The following PGR variants were observed in gnomAD, a reference collection of about 807,000 sequenced individuals.
The protein encoded by PGR is progesterone receptor, also known as nuclear receptor subfamily 3 group C member 3.
In PGR, 25 loss-of-function variants were observed where a neutral mutation model predicts 76.1. The observed-to-expected ratio is 0.33, with a 90% confidence interval of 0.24 to 0.46. PGR has a LOEUF of 0.46. PGR is among the 20% of genes least tolerant of loss of function. The probability of loss-of-function intolerance (pLI) is 1.00; values close to 1 mark genes in which losing one functional copy is unlikely to be tolerated. For missense variants in PGR, 1,172 were observed against 1,225.3 expected, an observed-to-expected ratio of 0.96 and a Z score of 0.65; for synonymous variants, 579 against 535.0, an observed-to-expected ratio of 1.08 and a Z score of -1.14.
At chr11:101,105,120 A>G (rs933809165) in intron 2 of PGR, among the ~76,000 whole-genome samples, 1 of 152,230 alleles carries the variant, frequency 6.6e-6, no homozygotes, top group Non-Finnish European at 1.5e-5. Context: ...CAGGGAGAAG[A>G]GTAGTAGATA....
chr11:101,093,156 A>G (rs1242494430), intron 2 of PGR, among the ~76,000 whole-genome samples: 1 of 152,178 alleles, frequency 6.6e-6, no homozygotes, highest in Non-Finnish European at 1.5e-5. Context: ...ACACTCACAT[A>G]GTGTTCATCT....
At chr11:101,118,751 T>TA (rs1314122177) in intron 2 of PGR, among the ~76,000 whole-genome samples, 1 of 152,200 alleles carries the variant, frequency 6.6e-6, no homozygotes, top group Non-Finnish European at 1.5e-5. Flanking sequence ...GTCTTGATGA[T>TA]AGATTATATG....
intron 3 of PGR, among the ~76,000 whole-genome samples, chr11:101,077,269 C>T (rs995467126): frequency 3.9e-5 from 6 of 152,028 alleles, no homozygotes; most frequent in South Asian, 2.1e-4. Context: ...ATGACCACTG[C>T]GCAGTGCTGG....
chr11:101,032,511 C>T lies in PGR; in HGVS notation c.*6605G>A, dbSNP rs893966001. The T allele has an allele frequency of 4.3e-6, 1 of 232,762 alleles. No individual in the cohort carries two copies. The highest frequency in any genetic ancestry group is 2.2e-5 in the African/African-American group (1 of 45,310). 14.4% of individuals were successfully genotyped at this position (232,762 alleles called of 1,614,324 possible). A position where few individuals can be genotyped will look rare whatever the true frequency, so the allele number is the denominator to read the frequency against. ...TCCATCCCCACCCCACATTCTCTCT[C>T]CCCATCAGGTTTGTGCAAATGTTGT... On this transcript the variant is annotated 3_prime_UTR_variant, in exon 8 of 8. Transcript: ENST00000325455.
intron 3 of PGR, among the ~76,000 whole-genome samples, chr11:101,071,846 G>A (rs920980548): frequency 4.6e-5 from 7 of 152,042 alleles, no homozygotes; most frequent in Non-Finnish European, 7.4e-5. Context: ...CCAAACTTAC[G>A]TTTGATTGGT....
chr11:101,088,613 TGA>T (rs1861573161), intron 3 of PGR, among the ~76,000 whole-genome samples: 3 of 152,192 alleles, frequency 2.0e-5, no homozygotes, highest in African/African-American at 7.2e-5. Context: ...ATTACAGGCA[TGA>T]GCCACCGCTC....
chr11:101,060,629 T>A (rs1318554724), intron 4 of PGR, among the ~76,000 whole-genome samples: 2 of 152,194 alleles, frequency 1.3e-5, no homozygotes, highest in East Asian at 1.9e-4. Context: ...CTGACCATTT[T>A]CATAATTCAT....
At chr11:101,104,553 G>A (rs547394499) in intron 2 of PGR, among the ~76,000 whole-genome samples, 24 of 152,176 alleles carry the variant, frequency 1.6e-4, no homozygotes, top group African/African-American at 1.4e-4. Context: ...TCTTCATTCC[G>A]AAGTAACTCC....
At chr11:101,120,861 T>C (rs1296845620) in intron 2 of PGR, among the ~76,000 whole-genome samples, 1 of 152,238 alleles carries the variant, frequency 6.6e-6, no homozygotes, top group Non-Finnish European at 1.5e-5. Flanking sequence ...CAGGAGCAGT[T>C]ATTAGCACTA....
intron 4 of PGR, among the ~76,000 whole-genome samples, chr11:101,060,946 A>G (rs772427831): frequency 2.1e-4 from 32 of 152,192 alleles, no homozygotes; most frequent in Non-Finnish European, 4.3e-4. Context: ...TCCAAAGTGA[A>G]TAAGTCATCT....
chr11:101,075,279 G>C (rs1433615243), intron 3 of PGR, among the ~76,000 whole-genome samples: 1 of 152,150 alleles, frequency 6.6e-6, no homozygotes, highest in Admixed American at 6.5e-5. Flanking sequence ...ACAGAAAATT[G>C]AAAGTGGACC....
rs184263421 is a variant in PGR at position 101,084,794 on chromosome 11, C to T, written c.1906+6966G>A. Among the ~76,000 whole-genome samples, 470 of 152,172 alleles carry T rather than the reference C, an allele frequency of 3.1e-3. 1 individual carries two copies. The highest frequency in any genetic ancestry group is 0.014 in the Middle Eastern group (4 of 294). On this transcript the variant is annotated intron_variant, in intron 3 of 7. Transcript: ENST00000325455. The stretch of plus-strand genomic sequence containing the variant: ...AAGGGTTGGAGAAAGATGTAGCATG[C>T]AAACAGAAAACAAAAAAGAGCAGGG...
In PGR at chr11:101,126,127, A is replaced by T; in HGVS notation, c.1669T>A (p.Tyr557Asn). 1 of 1,614,138 alleles carries T rather than the reference A, an allele frequency of 6.2e-7. No homozygotes were observed. Among genetic ancestry groups the T allele is most frequent in the Non-Finnish European group, 8.5e-7 (1 of 1,179,978 alleles). ...PDSEASQSPQ[Y>N]SFESLPQKIC... Reference sequence around the variant, plus strand: ...TTCTGAGGTAATGACTCGAAGCTGTATTGTGGGCTCTGGCTGGCTTCTGAA... The same window carrying T: ...TTCTGAGGTAATGACTCGAAGCTGTTTTGTGGGCTCTGGCTGGCTTCTGAA... The change falls in exon 2 of 8, where the codon TAC (tyrosine) becomes AAC (asparagine). Residue 557 changes from tyrosine to asparagine, a missense_variant. Physicochemically the swap from Tyr to Asn is moderately radical, Grantham distance 143 (BLOSUM62 -2). This residue lies in a region of PGR where 893 missense variants were observed against 785.9 expected (regional missense o/e 1.14). Transcript: ENST00000325455.
At position 101,038,705 on chromosome 11, in the gene PGR, A is replaced by G. The variant is rs1859592805; in HGVS notation, c.*411T>C. 1 of 232,880 alleles carries G rather than the reference A, an allele frequency of 4.3e-6. No individual in the cohort carries two copies. Among genetic ancestry groups the G allele is most frequent in the African/African-American group, 2.2e-5 (1 of 45,238 alleles). The allele number at this position is 232,880 out of a possible 1,614,324, so 14.4% of individuals were successfully genotyped here. ...ATTTTAAAGGTTCATTTTTGGAAAT[A>G]TAATTGACACAAAGGGAGTTACCTA... On this transcript the variant is annotated 3_prime_UTR_variant, in exon 8 of 8. Transcript: ENST00000325455.
chr11:101,046,292 A>AT lies in PGR; in HGVS notation c.2488+3636dup, dbSNP rs540943297. On this transcript the variant is annotated intron_variant, in intron 6 of 7. Transcript: ENST00000325455. ...AGGCACTTGCCACTACGCCTGGCTA[A>AT]TTTTTTTTTTTTTTTTTTTTTTTTT... 1.5e-3 allele frequency among the ~76,000 whole-genome samples: 98 copies of AT among 66,224 alleles called. 2 individuals carry two copies. The highest frequency in any genetic ancestry group is 2.6e-3 in the African/African-American group (34 of 13,324). The allele number at this position is 66,224 out of a possible 152,430, so 43.4% of individuals were successfully genotyped here. A position where few individuals can be genotyped will look rare whatever the true frequency, so the allele number is the denominator to read the frequency against.
chr11:101,056,218 G>T (rs1860284644), intron 4 of PGR, among the ~76,000 whole-genome samples: 1 of 134,914 alleles, frequency 7.4e-6, no homozygotes, highest in Admixed American at 8.3e-5. Flanking sequence ...ATCACTAATT[G>T]TGTTTAACAA....
intron 6 of PGR, among the ~76,000 whole-genome samples, chr11:101,047,353 T>G (rs895088735): frequency 6.6e-6 from 1 of 152,194 alleles, no homozygotes; most frequent in African/African-American, 2.4e-5. Context: ...CATTCCTTCA[T>G]GCAAAGAAGG....
chr11:101,108,311 G>C (rs944626958), intron 2 of PGR, among the ~76,000 whole-genome samples: 1 of 151,062 alleles, frequency 6.6e-6, no homozygotes, highest in South Asian at 2.1e-4. Context: ...CCAGCACTTT[G>C]GGAGGATTGC....
intron 3 of PGR, among the ~76,000 whole-genome samples, chr11:101,074,922 C>T (rs911030862): frequency 4.6e-5 from 7 of 152,148 alleles, no homozygotes; most frequent in African/African-American, 1.7e-4. Flanking sequence ...AGATTCAATG[C>T]TATCCCCAAC....
Sources: gnomAD v4.1 joint callset for allele counts (sites outside exome capture counted in the v4.1 genomes callset) on GRCh38, gnomAD v4.1.1 for gene constraint, gnomAD v4.1.1 regional missense constraint, MANE v1.5 for transcripts, NCBI Gene and HGNC (gene_info 2026-07-23, HGNC 2026-07-21) for gene names.